KBTBD12: variants seen among roughly 807,000 people sequenced by gnomAD.
KBTBD12 encodes the protein kelch repeat and BTB domain-containing protein 12.
In KBTBD12, 53 loss-of-function variants were observed where a neutral mutation model predicts 58.7. The observed-to-expected ratio is 0.90, with a 90% CI of 0.72 to 1.14. The LOEUF (loss-of-function observed/expected upper bound fraction) is 1.14, where lower values mean the gene tolerates loss of function less well. Among genes scored for constraint, KBTBD12 ranks in the 50% most tolerant of loss-of-function variants. The pLI is 0.00. For missense variants in KBTBD12, 704 were observed against 751.3 expected (o/e 0.94, Z 0.74); for synonymous variants, 236 against 259.8 (o/e 0.91, Z 0.88).
In KBTBD12 at chr3:127,963,189, G is replaced by T; in HGVS notation, c.1493G>T (p.Gly498Val). 6.3e-7 allele frequency: 1 copy of T among 1,596,444 alleles called. No individual in the cohort carries two copies. The highest frequency in any genetic ancestry group is 8.5e-7 in the Non-Finnish European group (1 of 1,170,446). The change falls in exon 5 of 6, where the codon GGT becomes GTT. Residue 498 changes from glycine (G) to valine (V), a missense_variant and splice_region_variant. Coordinates refer to ENST00000405109, the MANE Select transcript of KBTBD12 (RefSeq NM_207335.4). Reference sequence around the variant, plus strand: ...CATTTCTCCACATAATTCTCTGCAGGTGGCATTGGCTGTGTAGGTCAAGAC... The same window carrying T: ...CATTTCTCCACATAATTCTCTGCAGTTGGCATTGGCTGTGTAGGTCAAGAC... Reference protein sequence around the residue: ...AVVNSEIYVLGGIGCVGQDKG... With the variant: ...AVVNSEIYVLVGIGCVGQDKG...
intron 4 of KBTBD12, among the ~76,000 whole-genome samples, chr3:127,939,215 C>T (rs1417741237): frequency 1.3e-5 from 2 of 152,178 alleles, no homozygotes; most frequent in African/African-American, 2.4e-5. Context: ...AACTTCCTCT[C>T]CATTTAGTCA....
chr3:127,955,681 T>C (rs1052865614), intron 4 of KBTBD12, among the ~76,000 whole-genome samples: 4 of 152,104 alleles, frequency 2.6e-5, no homozygotes, highest in African/African-American at 9.7e-5. Context: ...AATCACAGGA[T>C]TGCACTTCGA....
chr3:127,975,372 G>A (rs552014041), intron 5 of KBTBD12, among the ~76,000 whole-genome samples: 43 of 152,208 alleles, frequency 2.8e-4, no homozygotes, highest in Non-Finnish European at 6.0e-4. Context: ...TCACAGAGGA[G>A]ATATGGCTGA....
chr3:127,916,284 T>C (rs987226908), intron 1 of KBTBD12, among the ~76,000 whole-genome samples: 3 of 152,208 alleles, frequency 2.0e-5, no homozygotes, highest in Non-Finnish European at 4.4e-5. Context: ...TCCATGCTAG[T>C]GAGAAGCACA....
At chr3:127,932,011 A>G (rs965492892) in intron 4 of KBTBD12, among the ~76,000 whole-genome samples, 1 of 152,170 alleles carries the variant, frequency 6.6e-6, no homozygotes, top group Non-Finnish European at 1.5e-5. Context: ...GTAAGAAACC[A>G]CACAGAAGCA....
intron 5 of KBTBD12, among the ~76,000 whole-genome samples, chr3:127,981,244 C>T (rs879929301): frequency 3.9e-5 from 6 of 152,312 alleles, no homozygotes; most frequent in Middle Eastern, 3.4e-3. Context: ...TCTTCAGAGC[C>T]TGGTTCTGCC....
intron 5 of KBTBD12, chr3:127,963,655 G>A (rs919150457): frequency 2.1e-4 from 65 of 310,494 alleles, no homozygotes; most frequent in Non-Finnish European, 3.5e-4. Context: ...CCTGATCTTG[G>A]AAACTAAGCA....
At chr3:127,921,689 A>C (rs1009971892) in intron 1 of KBTBD12, among the ~76,000 whole-genome samples, 3 of 152,180 alleles carry the variant, frequency 2.0e-5, no homozygotes, top group Non-Finnish European at 4.4e-5. Flanking sequence ...CAACAAATAC[A>C]TATAGGCCAG....
At chr3:127,939,686 A>G (rs1156298564) in intron 4 of KBTBD12, among the ~76,000 whole-genome samples, 1 of 147,362 alleles carries the variant, frequency 6.8e-6, no homozygotes, top group Non-Finnish European at 1.5e-5. Context: ...GAGATCAGAC[A>G]AAGTGAAAAA....
chr3:127,929,491 C>T (rs911780396), intron 3 of KBTBD12, among the ~76,000 whole-genome samples: 1 of 152,090 alleles, frequency 6.6e-6, no homozygotes, highest in Non-Finnish European at 1.5e-5. Flanking sequence ...GGAAAAGCCA[C>T]ATCTGTGTAA....
intron 4 of KBTBD12, among the ~76,000 whole-genome samples, chr3:127,936,145 C>G (rs1284011170): frequency 6.6e-6 from 1 of 152,120 alleles, no homozygotes; most frequent in Non-Finnish European, 1.5e-5. Flanking sequence ...GTAGGCGGAT[C>G]ACTTGAGGTC....
At chr3:127,930,321 T>G in intron 4 of KBTBD12, 38 bp downstream of exon 4, 2 of 1,591,736 alleles carry the variant, frequency 1.3e-6, no homozygotes, top group Non-Finnish European at 1.7e-6. Context: ...TAACTACTTT[T>G]ATTTTCCTCA....
chr3:127,953,409 CT>C (rs111445954), intron 4 of KBTBD12, among the ~76,000 whole-genome samples: 19 of 152,268 alleles, frequency 1.2e-4, no homozygotes, highest in African/African-American at 3.4e-4. Flanking sequence ...ACACAGCCTG[CT>C]TTTCTGTATG....
At chr3:127,930,583 G>A (rs1268743375) in intron 4 of KBTBD12, among the ~76,000 whole-genome samples, 4 of 152,130 alleles carry the variant, frequency 2.6e-5, no homozygotes, top group Non-Finnish European at 4.4e-5. Flanking sequence ...AATAGGAATA[G>A]GCCTTTGGTC....
In KBTBD12 at chr3:127,930,312, A is replaced by G. The variant is rs370215621; in HGVS notation, c.1492+29A>G. 5.0e-6 allele frequency: 8 copies of G among 1,599,882 alleles called. No individual in the cohort carries two copies. The African/African-American group carries it at 1.1e-4, about 21-fold the overall frequency. On this transcript the variant is annotated intron_variant, in intron 4 of 5. Coordinates refer to ENST00000405109, the MANE Select transcript of KBTBD12 (RefSeq NM_207335.4). ...AGAAGAAGCAGATTGCTAACAGTATAACTACTTTTATTTTCCTCAGCAGTT... is the reference window on the plus strand; with the variant it reads ...AGAAGAAGCAGATTGCTAACAGTATGACTACTTTTATTTTCCTCAGCAGTT...
In KBTBD12 at chr3:127,923,292, C is replaced by CACAGCAGAAAGTGTGTCGGTGTT; in HGVS notation, c.233_255dup (p.Leu86GlnfsTer9). On this transcript the variant is annotated frameshift_variant, in exon 2 of 6. Coordinates refer to ENST00000405109, the MANE Select transcript of KBTBD12 (RefSeq NM_207335.4). LOFTEE classifies it high-confidence loss of function. ...AAAGGGAAGTCATACTTTATGACAT[C>CACAGCAGAAAGTGTGTCGGTGTT]ACAGCAGAAAGTGTGTCGGTGTTAT... is the stretch of plus-strand genomic sequence containing the variant. The CACAGCAGAAAGTGTGTCGGTGTT allele has an allele frequency of 6.8e-6, 11 of 1,613,648 alleles. No homozygotes were observed. Among genetic ancestry groups the CACAGCAGAAAGTGTGTCGGTGTT allele is most frequent in the Non-Finnish European group, 8.5e-6 (10 of 1,179,678 alleles).
intron 1 of KBTBD12, among the ~76,000 whole-genome samples, chr3:127,922,478 A>T (rs1190807268): frequency 5.9e-5 from 9 of 152,088 alleles, no homozygotes; most frequent in African/African-American, 2.2e-4. Flanking sequence ...CTTCCAGGGT[A>T]TATTGTACAA....
At chr3:127,938,990 C>T (rs554519557) in intron 4 of KBTBD12, among the ~76,000 whole-genome samples, 250 of 152,270 alleles carry the variant, frequency 1.6e-3, no homozygotes, top group Admixed American at 5.4e-3. Context: ...GAAGTCAACG[C>T]AACTAGAAAC....
Position 127,923,188 on chromosome 3 carries a change from C to T in KBTBD12, c.127C>T (p.Pro43Ser), listed in dbSNP as rs1386969624. The change falls in exon 2 of 6, where the codon CCT (proline) becomes TCT (serine). Residue 43 changes from proline (P) to serine (S), a missense_variant. Physicochemically the swap from Pro to Ser is moderately conservative, Grantham distance 74. Coordinates refer to ENST00000405109, the MANE Select transcript of KBTBD12 (RefSeq NM_207335.4). ...VVLTAEGEKF[P>S]CHRLVLAAFS... ...ACTCACAGCAGAAGGAGAGAAATTT[C>T]CTTGCCACAGACTGGTCCTGGCTGC... 1.2e-6 allele frequency: 2 copies of T among 1,613,690 alleles called. No individual in the cohort carries two copies. Among genetic ancestry groups the T allele is most frequent in the Non-Finnish European group, 1.7e-6 (2 of 1,179,744 alleles).
Sources: gnomAD v4.1 joint callset for allele counts (sites outside exome capture counted in the v4.1 genomes callset) on GRCh38, gnomAD v4.1.1 for gene constraint, MANE v1.5 for transcripts, NCBI Gene and HGNC (gene_info 2026-07-23, HGNC 2026-07-21) for gene names.